The following BABAM2 variants were observed in gnomAD, a reference collection of about 807,000 sequenced individuals.
BABAM2 encodes BRISC and BRCA1 A complex member 2, also known as BRISC and BRCA1-A complex member 2.
BABAM2 carries 31 observed loss-of-function variants against 54.7 expected under a neutral mutation model. The ratio of observed to expected loss-of-function variants is 0.57; its 90% CI spans 0.43 to 0.77. The LOEUF (loss-of-function observed/expected upper bound fraction) is 0.77, where lower values mean the gene tolerates loss of function less well. BABAM2 is among the 30% of genes least tolerant of loss of function. BABAM2 has a pLI of 0.00. For synonymous variants in BABAM2, 167 were observed against 162.9 expected (o/e 1.03, Z -0.19); for missense variants, 364 against 455.8 (o/e 0.80, Z 1.83).
At chr2:28,128,574 A>G (rs1034007689) in intron 6 of BABAM2, among the ~76,000 whole-genome samples, 7 of 152,176 alleles carry the variant, frequency 4.6e-5, no homozygotes, top group Admixed American at 2.0e-4. Context: ...CTTTTTAATT[A>G]TAAATTACAG....
At chr2:28,144,325 C>T (rs777894772) in intron 7 of BABAM2, among the ~76,000 whole-genome samples, 1 of 152,070 alleles carries the variant, frequency 6.6e-6, no homozygotes, top group Non-Finnish European at 1.5e-5. Context: ...TGCACAGGGA[C>T]CTTAGGTAAT....
At chr2:28,323,180 C>T (rs1690174363) in intron 11 of BABAM2, among the ~76,000 whole-genome samples, 1 of 152,186 alleles carries the variant, frequency 6.6e-6, no homozygotes, top group African/African-American at 2.4e-5. Context: ...CAGGAACCAG[C>T]CCATTACTAG....
At chr2:27,946,677 A>AGAGAGGAGAGGAGAG (rs949748273) in intron 3 of BABAM2, among the ~76,000 whole-genome samples, 1 of 151,964 alleles carries the variant, frequency 6.6e-6, no homozygotes, top group African/African-American at 2.4e-5. Flanking sequence ...AGGAGAGAAG[A>AGAGAGGAGAGGAGAG]GAGAGGAGAG....
At chr2:28,287,555 A>T (rs1022201733) in intron 10 of BABAM2, among the ~76,000 whole-genome samples, 1 of 152,232 alleles carries the variant, frequency 6.6e-6, no homozygotes, top group Non-Finnish European at 1.5e-5. Flanking sequence ...TCTAACATAA[A>T]GATAAGTACA....
intron 5 of BABAM2, among the ~76,000 whole-genome samples, chr2:28,036,161 C>A (rs1350159938): frequency 6.6e-6 from 1 of 152,106 alleles, no homozygotes. Flanking sequence ...ACAGTGTTAT[C>A]GCCATGAAGG....
At chr2:28,045,317 T>C (rs1677474376) in intron 5 of BABAM2, among the ~76,000 whole-genome samples, 2 of 152,184 alleles carry the variant, frequency 1.3e-5, no homozygotes, top group African/African-American at 4.8e-5. Context: ...ATCAGCCTTG[T>C]GGTTTATAAA....
intron 3 of BABAM2, among the ~76,000 whole-genome samples, chr2:27,972,868 G>A (rs866779454): frequency 6.7e-6 from 1 of 149,562 alleles, no homozygotes; most frequent in African/African-American, 2.5e-5. Flanking sequence ...CCAGGTTCAA[G>A]TGATTCTCCT....
At chr2:28,286,409 T>C (rs1686819905) in intron 10 of BABAM2, among the ~76,000 whole-genome samples, 1 of 152,188 alleles carries the variant, frequency 6.6e-6, no homozygotes, top group Admixed American at 6.5e-5. Context: ...AGAAAGACGT[T>C]CACAGTCCTT....
Position 28,043,466 on chromosome 2 carries a change from T to C in BABAM2, c.496-2259T>C, listed in dbSNP as rs574637563. ...TCTTTTATGAGTGGTCCTTCTTCTG[T>C]GGCACTGTACACAGTGCTAAGGGAA... On this transcript the variant is annotated intron_variant, in intron 5 of 11. Transcript: ENST00000379624. 2.0e-5 allele frequency among the ~76,000 whole-genome samples: 3 copies of C among 152,290 alleles called. No homozygotes were observed. The East Asian group carries it at 5.8e-4, about 29-fold the overall frequency.
intron 5 of BABAM2, among the ~76,000 whole-genome samples, chr2:28,030,583 G>A (rs1396198791): frequency 6.6e-6 from 1 of 152,136 alleles, no homozygotes; most frequent in Non-Finnish European, 1.5e-5. Context: ...TTGGCATGAG[G>A]GTTCAGGAAT....
intron 11 of BABAM2, among the ~76,000 whole-genome samples, chr2:28,313,917 C>T (rs112671559): frequency 1.3e-4 from 20 of 152,136 alleles, no homozygotes; most frequent in Admixed American, 2.6e-4. Context: ...GAGTACAGTC[C>T]GAATTGCAAA....
At chr2:27,926,167 C>A (rs1324632566) in intron 2 of BABAM2, among the ~76,000 whole-genome samples, 1 of 151,358 alleles carries the variant, frequency 6.6e-6, no homozygotes, top group African/African-American at 2.4e-5. Flanking sequence ...CTGCTAAAAA[C>A]CCTGCTTTGT....
chr2:28,265,973 C>A (rs1049543960), intron 10 of BABAM2, among the ~76,000 whole-genome samples: 4 of 151,652 alleles, frequency 2.6e-5, no homozygotes, highest in African/African-American at 9.7e-5. Context: ...AATATAAGTA[C>A]ATATTCTTAG....
chr2:27,940,956 C>T (rs1573220373), intron 3 of BABAM2, among the ~76,000 whole-genome samples: 2 of 152,150 alleles, frequency 1.3e-5, no homozygotes, highest in Admixed American at 6.5e-5. Flanking sequence ...TCTGTTTCTC[C>T]CCACATTGGG....
At chr2:28,140,339 C>T (rs1190774335) in intron 7 of BABAM2, among the ~76,000 whole-genome samples, 1 of 152,128 alleles carries the variant, frequency 6.6e-6, no homozygotes, top group Non-Finnish European at 1.5e-5. Flanking sequence ...CCAATATCTT[C>T]CAAGTATGAG....
chr2:27,888,875 C>G (rs1244268214), upstream of BABAM2, among the ~76,000 whole-genome samples: 2 of 152,198 alleles, frequency 1.3e-5, no homozygotes, highest in African/African-American at 4.8e-5. Context: ...TTTACTTACT[C>G]TTGCTCTAGA....
At chr2:28,070,551 C>CTTTTTTTTTTTTTTTTTTTTTT (rs779324534) in intron 6 of BABAM2, among the ~76,000 whole-genome samples, 2 of 85,742 alleles carry the variant, frequency 2.3e-5, no homozygotes, top group Admixed American at 1.0e-4. Context: ...AAGTACTTTT[C>CTTTTTTTTTTTTTTTTTTTTTT]TTTTCTTTTT....
At chr2:28,135,788 C>G (rs13408854) in intron 7 of BABAM2, among the ~76,000 whole-genome samples, 16,853 of 152,190 alleles carry the variant, frequency 0.11, 1,449 homozygotes, top group African/African-American at 0.23. Flanking sequence ...AAAACCCACT[C>G]TCCACAATGT....
At chr2:27,907,904 T>C (rs553777968) in intron 2 of BABAM2, among the ~76,000 whole-genome samples, 2 of 152,354 alleles carry the variant, frequency 1.3e-5, no homozygotes, top group African/African-American at 2.4e-5. Context: ...TATCGCACTT[T>C]GTTTATCCAT....
Sources: gnomAD v4.1 joint callset for allele counts (sites outside exome capture counted in the v4.1 genomes callset) on GRCh38, gnomAD v4.1.1 for gene constraint, MANE v1.5 for transcripts, NCBI Gene and HGNC (gene_info 2026-07-23, HGNC 2026-07-21) for gene names.